Variants in LEPR observed in about 807,000 individuals in gnomAD.
The protein encoded by LEPR is OB receptor.
A neutral mutation model predicts 114.7 loss-of-function variants in LEPR; 56 were observed. The ratio of observed to expected loss-of-function variants is 0.49; its 90% CI spans 0.39 to 0.61. The LOEUF is 0.61. LEPR is among the 20% of genes least tolerant of loss of function. LEPR has a pLI of 0.00. For missense variants in LEPR, 1,202 were observed against 1,352.9 expected (o/e 0.89, Z 1.75); for synonymous variants, 443 against 461.4 (o/e 0.96, Z 0.51).
intron 2 of LEPR, among the ~76,000 whole-genome samples, chr1:65,463,486 G>C (rs2100383617): frequency 6.6e-6 from 1 of 152,276 alleles, no homozygotes; most frequent in South Asian, 2.1e-4. Flanking sequence ...TTTTTGCTTA[G>C]GATTGTCTTG....
chr1:65,426,728 A>AGTGG (rs1646380444), intron 2 of LEPR, among the ~76,000 whole-genome samples: 2 of 152,162 alleles, frequency 1.3e-5, no homozygotes, highest in Non-Finnish European at 2.9e-5. Flanking sequence ...GCCAGGCACC[A>AGTGG]TGGCTCACGC....
chr1:65,485,316 T>G (rs1441916436), intron 2 of LEPR, among the ~76,000 whole-genome samples: 1 of 152,202 alleles, frequency 6.6e-6, no homozygotes, highest in Non-Finnish European at 1.5e-5. Context: ...GGCCAGGCAC[T>G]GACTGGGCTA....
chr1:65,592,902 A>G (rs1452617493), intron 6 of LEPR, 37 bp downstream of exon 6: 28 of 1,604,846 alleles, frequency 1.7e-5, no homozygotes, highest in Non-Finnish European at 2.3e-5. Context: ...ATAGGTCTAA[A>G]CATCAGTCAT....
intron 17 of LEPR, among the ~76,000 whole-genome samples, chr1:65,620,642 C>T (rs1022889694): frequency 6.6e-6 from 1 of 152,070 alleles, no homozygotes; most frequent in African/African-American, 2.4e-5. Flanking sequence ...GGATGATATT[C>T]GAGTAAAACC....
At chr1:65,481,696 A>T (rs1031495313) in intron 2 of LEPR, among the ~76,000 whole-genome samples, 1 of 151,978 alleles carries the variant, frequency 6.6e-6, no homozygotes, top group Non-Finnish European at 1.5e-5. Flanking sequence ...TTACAGCAAT[A>T]TGTATAGGAA....
chr1:65,529,110 G>T (rs1650192577), intron 2 of LEPR, among the ~76,000 whole-genome samples: 1 of 151,732 alleles, frequency 6.6e-6, no homozygotes, highest in African/African-American at 2.4e-5. Context: ...ATCATGCCTG[G>T]CCCAAAAAAA....
chr1:65,526,116 AGC>A, intron 2 of LEPR: 4 of 981,292 alleles, frequency 4.1e-6, no homozygotes, highest in Non-Finnish European at 4.8e-6. Context: ...CCACCGAGAG[AGC>A]ATGCCACCCG....
chr1:65,570,837 A>G (rs769517495), intron 4 of LEPR, 35 bp downstream of exon 4: 3 of 1,481,494 alleles, frequency 2.0e-6, no homozygotes, highest in Non-Finnish European at 1.8e-6. Context: ...GTATTGAACA[A>G]TGTTTTTTAA....
chr1:65,462,336 T>A lies in LEPR; in HGVS notation c.-21+36958T>A, dbSNP rs1646956198. Among the ~76,000 whole-genome samples the A allele has an allele frequency of 2.6e-5, 4 of 152,208 alleles. No homozygotes were observed. In the South Asian group the frequency reaches 8.3e-4, roughly 31 times the overall value. ...CTGCAAACGACACGAACTCATCCTT[T>A]TTATGGCTGCATAGTATTCTATGAT... On this transcript the variant is annotated intron_variant, in intron 2 of 19. Coordinates refer to ENST00000349533, the MANE Select transcript of LEPR (RefSeq NM_002303.6).
intron 2 of LEPR, among the ~76,000 whole-genome samples, chr1:65,475,006 C>CAAA (rs1325552861): frequency 4.5e-3 from 106 of 23,722 alleles, no homozygotes; most frequent in Non-Finnish European, 4.8e-3. Context: ...GACTCCATCT[C>CAAA]AAAAAAAAAA....
rs1169512642 is a variant in LEPR, at chr1:65,640,323, C to G, written c.*3308C>G. On this transcript the variant is annotated 3_prime_UTR_variant, in exon 20 of 20. Coordinates refer to ENST00000349533, the MANE Select transcript of LEPR (RefSeq NM_002303.6). ...GATGTGGATGAAAAAAGATCTCTTG[C>G]TAAATTATTTTCTGTGACCTTAAAA... 6.6e-6 allele frequency: 1 copy of G among 152,156 alleles called. No individual in the cohort carries two copies. The highest frequency in any genetic ancestry group is 1.5e-5 in the Non-Finnish European group (1 of 68,022). 9.4% of individuals were successfully genotyped at this position (152,156 alleles called of 1,614,324 possible). A position where few individuals can be genotyped will look rare whatever the true frequency, so the allele number is the denominator to read the frequency against.
chr1:65,634,323 TCTTGA>T (rs1364541411), intron 19 of LEPR: 1 of 982,656 alleles, frequency 1.0e-6, no homozygotes, highest in Non-Finnish European at 1.2e-6. Context: ...TTTCTTCCCT[TCTTGA>T]CTTCTAATAG....
chr1:65,454,040 C>T (rs1646829120), intron 2 of LEPR, among the ~76,000 whole-genome samples: 1 of 151,230 alleles, frequency 6.6e-6, no homozygotes, highest in African/African-American at 2.4e-5. Context: ...TATGTAATGG[C>T]CTTCTTTGTC....
At chr1:65,535,186 T>G (rs1454850545) in intron 2 of LEPR, among the ~76,000 whole-genome samples, 1 of 151,978 alleles carries the variant, frequency 6.6e-6, no homozygotes, top group African/African-American at 2.4e-5. Context: ...GAAAACATAC[T>G]GGCATACACA....
chr1:65,581,921 G>C (rs1233854188), intron 5 of LEPR, among the ~76,000 whole-genome samples: 1 of 152,192 alleles, frequency 6.6e-6, no homozygotes, highest in Non-Finnish European at 1.5e-5. Context: ...CTGTTCTCCA[G>C]TTTCCAATAA....
chr1:65,541,886 A>T (rs993636151), intron 2 of LEPR, among the ~76,000 whole-genome samples: 1 of 152,158 alleles, frequency 6.6e-6, no homozygotes, highest in African/African-American at 2.4e-5. Context: ...ATTTTTTGAG[A>T]TCAATGGAGC....
Position 65,637,127 on chromosome 1 carries a change from T to C in LEPR, c.*112T>C, listed in dbSNP as rs886046506. The C allele has an allele frequency of 4.9e-6, 6 of 1,218,476 alleles. No individual in the cohort carries two copies. The Admixed American group carries it at 1.1e-4, about 23-fold the overall frequency. 75.5% of individuals were successfully genotyped at this position (1,218,476 alleles called of 1,614,324 possible). The stretch of plus-strand genomic sequence containing the variant: ...AACCAGAGTCAAATTTGAAAATAAT[T>C]GTTCCAAATGAATGTTGTCTGTTTG... On this transcript the variant is annotated 3_prime_UTR_variant, in exon 20 of 20. Transcript: ENST00000349533.
At chr1:65,484,327 G>T (rs139460792) in intron 2 of LEPR, among the ~76,000 whole-genome samples, 4 of 152,006 alleles carry the variant, frequency 2.6e-5, no homozygotes, top group Admixed American at 2.6e-4. Flanking sequence ...TTTACTTCTA[G>T]ATTTTAAAAT....
intron 2 of LEPR, among the ~76,000 whole-genome samples, chr1:65,457,305 C>G (rs765646863): frequency 6.6e-6 from 1 of 151,922 alleles, no homozygotes; most frequent in South Asian, 2.1e-4. Context: ...CCTTCACTTT[C>G]TTCTCCTTCT....
Sources: gnomAD v4.1 joint callset for allele counts (sites outside exome capture counted in the v4.1 genomes callset) on GRCh38, gnomAD v4.1.1 for gene constraint, MANE v1.5 for transcripts, NCBI Gene and HGNC (gene_info 2026-07-23, HGNC 2026-07-21) for gene names.